Variants in HTR3B observed in about 807,000 individuals in gnomAD.
The protein encoded by HTR3B is 5-hydroxytryptamine receptor 3B.
Under a neutral mutation model 42.8 loss-of-function variants are expected in HTR3B, and 44 were observed. The observed-to-expected ratio is 1.03, with a 90% confidence interval of 0.81 to 1.32. The LOEUF is 1.32. HTR3B is among the 40% of genes most tolerant of loss of function. HTR3B has a pLI of 0.00. For synonymous variants in HTR3B, 203 were observed against 209.0 expected, an observed-to-expected ratio of 0.97 and a Z score of 0.25; for missense variants, 527 against 536.5, an observed-to-expected ratio of 0.98 and a Z score of 0.17.
At chr11:113,910,467 GTCTC>G in intron 2 of HTR3B, among the ~76,000 whole-genome samples, 1 of 146,742 alleles carries the variant, frequency 6.8e-6, no homozygotes, top group East Asian at 2.0e-4. Flanking sequence ...TTGAGACGGA[GTCTC>G]TCTCTGTCAC....
Position 113,933,021 on chromosome 11 carries a change from A to G in HTR3B, c.624A>G (p.Glu208=). 2.5e-6 allele frequency: 4 copies of G among 1,614,092 alleles called. No homozygotes were observed. The highest frequency in any genetic ancestry group is 1.7e-5 in the Admixed American group (1 of 60,018). Residue 208 remains glutamate (E), a synonymous_variant, in exon 6 of 9, where the codon GAA becomes GAG. Transcript: ENST00000260191. ...KKAFLNDSEW[E]LLSVSSTYSI... is the part of the protein sequence containing the mutation. ...CGTTTTTGAATGACAGTGAGTGGGA[A>G]CTTCTATCTGTGTCCTCCACATACA...
upstream of HTR3B, among the ~76,000 whole-genome samples, chr11:113,903,826 TTC>T (rs1285071290): frequency 2.0e-5 from 3 of 152,238 alleles, no homozygotes; most frequent in Non-Finnish European, 4.4e-5. Flanking sequence ...TATCTTAGTT[TTC>T]TCTCTTTCTG....
At chr11:113,903,663 A>G (rs981990884), upstream of HTR3B, among the ~76,000 whole-genome samples, 1 of 151,982 alleles carries the variant, frequency 6.6e-6, no homozygotes, top group African/African-American at 2.4e-5. Context: ...CCTAACCTCA[A>G]GTGATCCACT....
chr11:113,919,583 C>T (rs1949891720), intron 2 of HTR3B, among the ~76,000 whole-genome samples: 1 of 152,096 alleles, frequency 6.6e-6, no homozygotes, highest in African/African-American at 2.4e-5. Context: ...AATCCCAGCA[C>T]TTTGGGAGGC....
Position 113,920,039 on chromosome 11 carries a change from T to A in HTR3B, c.213+10584T>A, listed in dbSNP as rs191414838. On this transcript the variant is annotated intron_variant, in intron 2 of 8. Transcript: ENST00000260191. ...ATTTTATTTTTGTTTTTATTTTTAC[T>A]TTTTTTGAGATGGAGTTTCACTCTT... Among the ~76,000 whole-genome samples the A allele has an allele frequency of 3.1e-3, 465 of 152,184 alleles. 2 individuals carry two copies. The highest frequency in any genetic ancestry group is 0.011 in the African/African-American group (450 of 41,520).
At chr11:113,938,823 G>A (rs533087150) in intron 6 of HTR3B, among the ~76,000 whole-genome samples, 24 of 152,114 alleles carry the variant, frequency 1.6e-4, no homozygotes, top group African/African-American at 5.5e-4. Context: ...GGCCAACATG[G>A]CAAAACCCTA....
At chr11:113,911,835 C>A (rs1329553986) in intron 2 of HTR3B, among the ~76,000 whole-genome samples, 2 of 152,026 alleles carry the variant, frequency 1.3e-5, no homozygotes, top group South Asian at 4.2e-4. Context: ...GGCCATATAA[C>A]CCATATCTCT....
rs532126148 is a variant in HTR3B, at chr11:113,909,056, T to G, written c.53-239T>G. The G allele has an allele frequency of 2.9e-4, 171 of 580,948 alleles. 1 individual carries two copies. The highest frequency in any genetic ancestry group is 4.1e-4 in the Non-Finnish European group (136 of 331,612). The allele number at this position is 580,948 out of a possible 1,614,324, so 36.0% of individuals were successfully genotyped here. On this transcript the variant is annotated intron_variant, in intron 1 of 8. Coordinates refer to ENST00000260191, the MANE Select transcript of HTR3B (RefSeq NM_006028.5). ...GAATTGTAGGTACAGTTTTCCAACC[T>G]TGGAGATGGCGTTGATTTACTTGTT...
chr11:113,918,990 T>C (rs1395932675), intron 2 of HTR3B, among the ~76,000 whole-genome samples: 1 of 152,204 alleles, frequency 6.6e-6, no homozygotes, highest in Non-Finnish European at 1.5e-5. Context: ...GTTTAGCTCA[T>C]TTGCCAGTAC....
upstream of HTR3B, among the ~76,000 whole-genome samples, chr11:113,901,795 C>T (rs1200555737): frequency 6.6e-6 from 1 of 152,134 alleles, no homozygotes; most frequent in East Asian, 1.9e-4. Flanking sequence ...GAAGCACGTC[C>T]CCAGAAGGTT....
At chr11:113,926,384 T>G (rs368071686) in intron 2 of HTR3B, among the ~76,000 whole-genome samples, 1 of 151,668 alleles carries the variant, frequency 6.6e-6, no homozygotes, top group South Asian at 2.1e-4. Flanking sequence ...TATATACTTC[T>G]GAGTAGAATT....
chr11:113,944,674 C>T lies in HTR3B; in HGVS notation c.1009C>T (p.Gln337Ter). The part of the protein sequence containing the change: ...LHDEQRGGQE[Q>*]PFLCLRGDTD... ...TGATGAGCAGCGTGGTGGACAGGAG[C>T]AGCCCTTCTTGTGCCTTCGAGGGGA... Residue 337 changes from glutamine (Q) to a stop codon, truncating the protein, a stop_gained, in exon 8 of 9, where the codon CAG becomes TAG. Coordinates refer to ENST00000260191, the MANE Select transcript of HTR3B (RefSeq NM_006028.5). LOFTEE classifies it high-confidence loss of function. 1 of 1,614,170 alleles carries T rather than the reference C, an allele frequency of 6.2e-7. No individual in the cohort carries two copies. Among genetic ancestry groups the T allele is most frequent in the African/African-American group, 1.3e-5 (1 of 75,046 alleles).
In HTR3B at chr11:113,924,624, CAAAAA is replaced by C. The variant is rs34212177; in HGVS notation, c.214-6741_214-6737del. On this transcript the variant is annotated intron_variant, in intron 2 of 8. Transcript: ENST00000260191. ...TGGGCAACAAAGCAAGACCTTGTCT[CAAAAA>C]AAAAAAAAAAAAAAAAAAGCCAAGA... Among the ~76,000 whole-genome samples, 7 of 52,236 alleles carry C rather than the reference CAAAAA, an allele frequency of 1.3e-4. 1 individual carries two copies. Among genetic ancestry groups the C allele is most frequent in the African/African-American group, 3.2e-4 (4 of 12,376 alleles). 34.3% of individuals were successfully genotyped at this position (52,236 alleles called of 152,430 possible).
chr11:113,907,510 A>G (rs942659956), intron 1 of HTR3B, among the ~76,000 whole-genome samples: 18 of 152,152 alleles, frequency 1.2e-4, no homozygotes, highest in African/African-American at 4.1e-4. Flanking sequence ...TTATTTAAGC[A>G]TATTTCCATT....
chr11:113,900,503 T>A (rs1949690322), upstream of HTR3B, among the ~76,000 whole-genome samples: 1 of 152,144 alleles, frequency 6.6e-6, no homozygotes, highest in Non-Finnish European at 1.5e-5. Flanking sequence ...TTATTTTGTT[T>A]TATTTTTTGA....
chr11:113,902,741 C>T (rs1322305677), upstream of HTR3B, among the ~76,000 whole-genome samples: 2 of 152,226 alleles, frequency 1.3e-5, no homozygotes, highest in East Asian at 1.9e-4. Context: ...ATTCGAGTTT[C>T]AATTCTTCCC....
chr11:113,916,711 AT>A (rs1169947436), intron 2 of HTR3B, among the ~76,000 whole-genome samples: 1 of 152,098 alleles, frequency 6.6e-6, no homozygotes, highest in Non-Finnish European at 1.5e-5. Flanking sequence ...TAGTTCTTTA[AT>A]TTCTTTTATT....
At chr11:113,899,445 G>A in the HTR3B span, among the ~76,000 whole-genome samples, 1 of 152,180 alleles carries the variant, frequency 6.6e-6, no homozygotes, top group African/African-American at 2.4e-5. Context: ...CTGACCAGAT[G>A]TGCTCAGAAA....
At chr11:113,931,898 T>A (rs1950038877) in intron 4 of HTR3B, 31 bp downstream of exon 4, 2 of 1,239,272 alleles carry the variant, frequency 1.6e-6, no homozygotes, top group Admixed American at 1.7e-5. Flanking sequence ...TTCTGTGGGG[T>A]TTAGACTGCT....
Sources: gnomAD v4.1 joint callset for allele counts (sites outside exome capture counted in the v4.1 genomes callset) on GRCh38, gnomAD v4.1.1 for gene constraint, MANE v1.5 for transcripts, NCBI Gene and HGNC (gene_info 2026-07-23, HGNC 2026-07-21) for gene names.